SPPL2A: variants seen among roughly 807,000 people sequenced by gnomAD.
SPPL2A encodes signal peptide peptidase-like 2A.
Under a neutral mutation model 63.8 loss-of-function variants are expected in SPPL2A, and 51 were observed. That is an observed-to-expected ratio of 0.80 (90% CI 0.64 to 1.01). The LOEUF (loss-of-function observed/expected upper bound fraction) is 1.01. SPPL2A is among the 50% of genes least tolerant of loss of function. The probability of loss-of-function intolerance (pLI) is 0.00; values close to 1 mark genes in which losing one functional copy is unlikely to be tolerated. For missense variants in SPPL2A, 553 were observed against 622.7 expected (o/e 0.89, Z 1.19); for synonymous variants, 188 against 205.8 (o/e 0.91, Z 0.74).
intron 14 of SPPL2A, among the ~76,000 whole-genome samples, chr15:50,717,236 G>A (rs1204432544): frequency 6.6e-6 from 1 of 152,126 alleles, no homozygotes; most frequent in Non-Finnish European, 1.5e-5. Context: ...GTGCAGTGGT[G>A]CAATCATGGC....
intron 9 of SPPL2A, 86 bp downstream of exon 9, chr15:50,732,517 G>A (rs902762921): frequency 9.3e-6 from 7 of 749,484 alleles, no homozygotes; most frequent in South Asian, 5.5e-5. Flanking sequence ...AAAAATTGGC[G>A]CATTTAATTG....
chr15:50,719,029 A>T (rs972318957), intron 14 of SPPL2A, among the ~76,000 whole-genome samples: 1 of 152,108 alleles, frequency 6.6e-6, no homozygotes, highest in Admixed American at 6.6e-5. Flanking sequence ...AACTCTTCTT[A>T]ATTTCAATGC....
Position 50,748,743 on chromosome 15 carries a change from C to T in SPPL2A, c.305G>A (p.Arg102Lys). Residue 102 changes from arginine (R) to lysine (K), a missense_variant, in exon 3 of 15, where the codon AGA becomes AAA. By Grantham distance (26) the Arg-to-Lys change is conservative. Coordinates refer to ENST00000261854, the MANE Select transcript of SPPL2A (RefSeq NM_032802.4). ...TTCAGCACCTCCTTTCTGTGCAATTCTGGCTTTTTCAAGAAAATGGCAGCT... is the reference window on the plus strand; with the variant it reads ...TTCAGCACCTCCTTTCTGTGCAATTTTGGCTTTTTCAAGAAAATGGCAGCT... The part of the protein sequence containing the change: ...WGSCHFLEKA[R>K]IAQKGGAEAM... The T allele has an allele frequency of 2.5e-6, 4 of 1,612,092 alleles. No individual in the cohort carries two copies. The highest frequency in any genetic ancestry group is 3.4e-6 in the Non-Finnish European group (4 of 1,179,236).
intron 14 of SPPL2A, among the ~76,000 whole-genome samples, chr15:50,712,985 C>G (rs1227069910): frequency 1.3e-5 from 2 of 151,904 alleles, no homozygotes. Context: ...TGTCCGGCCC[C>G]ACTATGGATT....
At position 50,765,608 on chromosome 15, in the gene SPPL2A, G is replaced by A. The variant is rs2063053888; in HGVS notation, c.-75C>T. 1 of 1,063,574 alleles carries A rather than the reference G, an allele frequency of 9.4e-7. No individual in the cohort carries two copies. The highest frequency in any genetic ancestry group is 1.7e-5 in the African/African-American group (1 of 60,094). The allele number at this position is 1,063,574 out of a possible 1,614,324, so 65.9% of individuals were successfully genotyped here. On this transcript the variant is annotated 5_prime_UTR_variant, in exon 1 of 15. Transcript: ENST00000261854. The stretch of plus-strand genomic sequence containing the variant: ...GGCGGGGTAGGCTCGGAGTCCCGCC[G>A]CTGCGCTGCCTCCGTGGCCGGACCG...
chr15:50,711,957 T>C (rs2062562463), intron 14 of SPPL2A, among the ~76,000 whole-genome samples: 1 of 152,220 alleles, frequency 6.6e-6, no homozygotes, highest in African/African-American at 2.4e-5. Flanking sequence ...GTGCCTCACT[T>C]TTACAGTGGC....
At chr15:50,709,918 T>C (rs2062543378) in intron 14 of SPPL2A, among the ~76,000 whole-genome samples, 1 of 152,170 alleles carries the variant, frequency 6.6e-6, no homozygotes, top group Non-Finnish European at 1.5e-5. Context: ...CACTAGTTTG[T>C]AGCAATTCTA....
intron 1 of SPPL2A, among the ~76,000 whole-genome samples, chr15:50,757,176 G>A (rs1422904748): frequency 6.7e-6 from 1 of 148,536 alleles, no homozygotes; most frequent in Non-Finnish European, 1.5e-5. Flanking sequence ...TCCGCCTCTG[G>A]GATTCACGCC....
chr15:50,729,715 A>G (rs2062716073), intron 10 of SPPL2A, among the ~76,000 whole-genome samples: 1 of 152,226 alleles, frequency 6.6e-6, no homozygotes, highest in Non-Finnish European at 1.5e-5. Context: ...ACAGTTAATT[A>G]TATTTGTTAC....
At chr15:50,755,136 G>A (rs182082223) in intron 1 of SPPL2A, among the ~76,000 whole-genome samples, 1 of 151,818 alleles carries the variant, frequency 6.6e-6, no homozygotes. Flanking sequence ...TGGCTAAGAA[G>A]GTGAAACCCC....
At chr15:50,722,604 G>A (rs963730923) in intron 12 of SPPL2A, among the ~76,000 whole-genome samples, 2 of 151,994 alleles carry the variant, frequency 1.3e-5, no homozygotes, top group East Asian at 1.9e-4. Context: ...CTACAGGCGC[G>A]TGCCACCACA....
At chr15:50,759,384 T>A (rs2141063290) in intron 1 of SPPL2A, among the ~76,000 whole-genome samples, 1 of 152,246 alleles carries the variant, frequency 6.6e-6, no homozygotes, top group African/African-American at 2.4e-5. Flanking sequence ...AGTTTGAGAC[T>A]AACCAGGGCA....
rs2062493875 is a variant in SPPL2A at position 50,704,069 on chromosome 15, A to G, written c.*3731T>C. ...AAAAAAAAATCTACAAGTGCCAGGC[A>G]CGGTGGCTCATGCCTGTAATCCCAG... On this transcript the variant is annotated 3_prime_UTR_variant, in exon 15 of 15. Transcript: ENST00000261854. 1 of 152,036 alleles carries G rather than the reference A, an allele frequency of 6.6e-6. No homozygotes were observed. Among genetic ancestry groups the G allele is most frequent in the Non-Finnish European group, 1.5e-5 (1 of 67,990 alleles). The allele number at this position is 152,036 out of a possible 1,614,324, so 9.4% of individuals were successfully genotyped here.
rs766771368 is a variant in SPPL2A at position 50,732,697 on chromosome 15, A to G, written c.933-13T>C. ...AATCCAAGCCCACCTAAAATCAAAA[A>G]ATATTACTCTATTGCTTTATCAATG... is the stretch of plus-strand genomic sequence containing the variant. On this transcript the variant is annotated splice_polypyrimidine_tract_variant and intron_variant, in intron 8 of 14. Coordinates refer to ENST00000261854, the MANE Select transcript of SPPL2A (RefSeq NM_032802.4). 12 of 1,510,208 alleles carry G rather than the reference A, an allele frequency of 7.9e-6. No individual in the cohort carries two copies. Among genetic ancestry groups the G allele is most frequent in the Non-Finnish European group, 1.1e-5 (12 of 1,087,654 alleles). The allele number at this position is 1,510,208 out of a possible 1,614,324, so 93.6% of individuals were successfully genotyped here. A position where few individuals can be genotyped will look rare whatever the true frequency, so the allele number is the denominator to read the frequency against.
chr15:50,741,604 TTAAAC>T (rs2062821077), intron 5 of SPPL2A, among the ~76,000 whole-genome samples: 1 of 152,270 alleles, frequency 6.6e-6, no homozygotes, highest in South Asian at 2.1e-4. Context: ...TTCATAGTCA[TTAAAC>T]TAAAAAGCAC....
At chr15:50,743,777 T>C (rs1259580904) in intron 5 of SPPL2A, among the ~76,000 whole-genome samples, 1 of 152,170 alleles carries the variant, frequency 6.6e-6, no homozygotes, top group African/African-American at 2.4e-5. Flanking sequence ...TAGGAAAACA[T>C]TTTCAATAAA....
At position 50,703,284 on chromosome 15, in the gene SPPL2A, A is replaced by C. The variant is rs886741459; in HGVS notation, c.*4516T>G. ...AATTTCATTGGTTAAGATCAGGCTGAAATTTTAGAGATTAAGCCTAAATAA... is the reference window on the plus strand; with the variant it reads ...AATTTCATTGGTTAAGATCAGGCTGCAATTTTAGAGATTAAGCCTAAATAA... On this transcript the variant is annotated 3_prime_UTR_variant, in exon 15 of 15. Transcript: ENST00000261854. The C allele has an allele frequency of 2.1e-5, 3 of 145,960 alleles. No individual in the cohort carries two copies. Among genetic ancestry groups the C allele is most frequent in the African/African-American group, 7.6e-5 (3 of 39,610 alleles). 9.0% of individuals were successfully genotyped at this position (145,960 alleles called of 1,614,324 possible). A position where few individuals can be genotyped will look rare whatever the true frequency, so the allele number is the denominator to read the frequency against.
At chr15:50,760,751 TCAG>T (rs1014948319) in intron 1 of SPPL2A, among the ~76,000 whole-genome samples, 2 of 152,172 alleles carry the variant, frequency 1.3e-5, no homozygotes, top group African/African-American at 2.4e-5. Context: ...GCACAGCAGC[TCAG>T]CAGATTTCTT....
chr15:50,715,363 G>C (rs2062592655), intron 14 of SPPL2A, among the ~76,000 whole-genome samples: 1 of 152,074 alleles, frequency 6.6e-6, no homozygotes, highest in African/African-American at 2.4e-5. Context: ...TGTAGCCCTT[G>C]GTTGAAATCT....
Sources: gnomAD v4.1 joint callset for allele counts (sites outside exome capture counted in the v4.1 genomes callset) on GRCh38, gnomAD v4.1.1 for gene constraint, MANE v1.5 for transcripts, NCBI Gene and HGNC (gene_info 2026-07-23, HGNC 2026-07-21) for gene names.